Variants in PTPRM observed in about 807,000 individuals in gnomAD.
PTPRM encodes the protein receptor-type tyrosine-protein phosphatase mu.
Under a neutral mutation model 186.7 loss-of-function variants are expected in PTPRM, and 47 were observed. The ratio of observed to expected loss-of-function variants is 0.25; its 90% confidence interval spans 0.20 to 0.32. PTPRM has a LOEUF of 0.32. PTPRM is among the 10% of genes least tolerant of loss of function. The pLI, the probability that PTPRM is intolerant of heterozygous loss-of-function variation, is 1.00. For synonymous variants in PTPRM, 668 were observed against 674.9 expected, an observed-to-expected ratio of 0.99 and a Z score of 0.16; for missense variants, 1,494 against 1,865.0, an observed-to-expected ratio of 0.80 and a Z score of 3.66.
intron 2 of PTPRM, among the ~76,000 whole-genome samples, chr18:7,786,789 A>T (rs1015266477): frequency 2.6e-5 from 4 of 152,224 alleles, no homozygotes; most frequent in Non-Finnish European, 4.4e-5. Context: ...GCAATTTGCC[A>T]GTAGGTCAAC....
At chr18:8,314,999 C>A in intron 21 of PTPRM, 142 bp downstream of exon 21, 1 of 537,586 alleles carries the variant, frequency 1.9e-6, no homozygotes, top group Non-Finnish European at 3.2e-6. Flanking sequence ...CTGACATGTA[C>A]CAGATTGTGT....
chr18:8,364,057 A>G (rs926204983), intron 23 of PTPRM, among the ~76,000 whole-genome samples: 3 of 152,220 alleles, frequency 2.0e-5, no homozygotes, highest in Admixed American at 1.3e-4. Context: ...TATTTCCCAA[A>G]CTGAAACTAT....
intron 14 of PTPRM, among the ~76,000 whole-genome samples, chr18:8,198,003 AC>A (rs2093803068): frequency 6.6e-6 from 1 of 151,938 alleles, no homozygotes; most frequent in Non-Finnish European, 1.5e-5. Context: ...AGAAACAGCC[AC>A]CCTTGCTCTC....
At chr18:7,634,379 TTCCCTG>T (rs1283978565) in intron 1 of PTPRM, among the ~76,000 whole-genome samples, 4 of 152,292 alleles carry the variant, frequency 2.6e-5, no homozygotes, top group African/African-American at 9.6e-5. Flanking sequence ...CAATGCCCAG[TTCCCTG>T]TCTTTGGGCC....
At chr18:8,221,064 CTT>C (rs904840485) in intron 14 of PTPRM, among the ~76,000 whole-genome samples, 4 of 151,456 alleles carry the variant, frequency 2.6e-5, no homozygotes, top group Non-Finnish European at 5.9e-5. Context: ...CTTGAAGTCT[CTT>C]TTTTTTTCTG....
chr18:7,574,337 G>A (rs1346247357), intron 1 of PTPRM, among the ~76,000 whole-genome samples: 6 of 152,168 alleles, frequency 3.9e-5, no homozygotes, highest in African/African-American at 1.4e-4. Flanking sequence ...AAATTTTGTT[G>A]TAATGGTTAG....
intron 14 of PTPRM, among the ~76,000 whole-genome samples, chr18:8,188,516 C>A (rs1041306241): frequency 6.6e-6 from 1 of 152,230 alleles, no homozygotes; most frequent in Non-Finnish European, 1.5e-5. Context: ...TAGCCCCACA[C>A]CGTGACGAAA....
At chr18:7,935,316 T>G (rs2051738353) in intron 5 of PTPRM, among the ~76,000 whole-genome samples, 1 of 152,168 alleles carries the variant, frequency 6.6e-6, no homozygotes, top group African/African-American at 2.4e-5. Context: ...CAGTTAAATA[T>G]CTATATCTAT....
chr18:7,804,069 A>G (rs1423187356), intron 2 of PTPRM, among the ~76,000 whole-genome samples: 1 of 152,160 alleles, frequency 6.6e-6, no homozygotes, highest in Non-Finnish European at 1.5e-5. Flanking sequence ...GGTTTATGTA[A>G]GTGAAAATTC....
intron 2 of PTPRM, among the ~76,000 whole-genome samples, chr18:7,779,951 T>G (rs1010361317): frequency 3.3e-5 from 5 of 152,218 alleles, no homozygotes; most frequent in Non-Finnish European, 7.3e-5. Context: ...TACGATTATA[T>G]GCTAGAAAAC....
At chr18:7,640,357 A>G (rs1163907314) in intron 1 of PTPRM, among the ~76,000 whole-genome samples, 1 of 152,188 alleles carries the variant, frequency 6.6e-6, no homozygotes, top group Non-Finnish European at 1.5e-5. Context: ...AAGGAGCTTT[A>G]GAGATCATCT....
intron 3 of PTPRM, among the ~76,000 whole-genome samples, chr18:7,895,370 A>G (rs528484837): frequency 1.3e-5 from 2 of 152,182 alleles, no homozygotes; most frequent in Non-Finnish European, 2.9e-5. Flanking sequence ...CGCTTCCTAA[A>G]TGTGTTTAGT....
chr18:7,624,539 G>A (rs2038014171), intron 1 of PTPRM, among the ~76,000 whole-genome samples: 2 of 152,070 alleles, frequency 1.3e-5, no homozygotes, highest in South Asian at 2.1e-4. Flanking sequence ...AGGCTGGAGT[G>A]CAGTGGCGTC....
At position 8,305,416 on chromosome 18, in the gene PTPRM, A is replaced by G. The variant is rs975476962; in HGVS notation, c.2842+8961A>G. Among the ~76,000 whole-genome samples, 3 of 152,234 alleles carry G rather than the reference A, an allele frequency of 2.0e-5. No homozygotes were observed. In the South Asian group the frequency reaches 6.2e-4, roughly 32 times the overall value. On this transcript the variant is annotated intron_variant, in intron 20 of 32. Coordinates refer to ENST00000580170, the MANE Select transcript of PTPRM (RefSeq NM_001105244.2). The stretch of plus-strand genomic sequence containing the variant: ...TTTCCCTTACTTCTTATTGTATACC[A>G]GCTACTTACTAATGATTACTTATAT...
intron 6 of PTPRM, 125 bp downstream of exon 6, chr18:7,949,480 G>GC (rs2052789374): frequency 1.2e-6 from 1 of 807,578 alleles, no homozygotes; most frequent in Admixed American, 3.4e-5. Context: ...TTGATGACAG[G>GC]CTATTTTGAT....
chr18:7,948,829 A>T (rs1180487876), intron 5 of PTPRM, among the ~76,000 whole-genome samples: 1 of 152,250 alleles, frequency 6.6e-6, no homozygotes, highest in Non-Finnish European at 1.5e-5. Context: ...AGTCAAGCAT[A>T]CAAATAAGAG....
chr18:8,132,806 C>T (rs1394960498), intron 13 of PTPRM, among the ~76,000 whole-genome samples: 4 of 152,114 alleles, frequency 2.6e-5, no homozygotes, highest in South Asian at 2.1e-4. Context: ...GAAGATATAA[C>T]GTTTTGCCAC....
chr18:7,980,048 C>T (rs1045665481), intron 7 of PTPRM, among the ~76,000 whole-genome samples: 2 of 152,172 alleles, frequency 1.3e-5, no homozygotes, highest in African/African-American at 4.8e-5. Context: ...CTCTATAATG[C>T]CCCTGAGCGT....
At chr18:7,994,319 T>C (rs1338197950) in intron 7 of PTPRM, among the ~76,000 whole-genome samples, 3 of 151,294 alleles carry the variant, frequency 2.0e-5, no homozygotes, top group Non-Finnish European at 3.0e-5. Context: ...GCACAAGATA[T>C]ATAAAGCAAA....
Sources: allele counts gnomAD v4.1 joint callset (sites outside exome capture counted in the v4.1 genomes callset), GRCh38; gene constraint gnomAD v4.1.1; transcripts MANE v1.5; gene names NCBI Gene and HGNC (gene_info 2026-07-23, HGNC 2026-07-21).